GALNT8: variants seen among roughly 807,000 people sequenced by gnomAD.
GALNT8 encodes polypeptide N-acetylgalactosaminyltransferase 8, also known as probable polypeptide N-acetylgalactosaminyltransferase 8.
Under a neutral mutation model 62.7 loss-of-function variants are expected in GALNT8, and 66 were observed. That is an observed-to-expected ratio of 1.05 (90% CI 0.86 to 1.29). GALNT8 has a LOEUF of 1.29. GALNT8 is among the 50% of genes most tolerant of loss of function. The pLI, the probability that GALNT8 is intolerant of heterozygous loss-of-function variation, is 0.00. For missense variants in GALNT8, 771 were observed against 791.8 expected (o/e 0.97, Z 0.32); for synonymous variants, 288 against 294.3 (o/e 0.98, Z 0.22).
chr12:4,722,269 C>T (rs138713452), intron 1 of GALNT8, among the ~76,000 whole-genome samples: 65 of 152,220 alleles, frequency 4.3e-4, no homozygotes, highest in African/African-American at 1.3e-3. Context: ...TTCCATTTTG[C>T]GGTGTGCTCC....
intron 6 of GALNT8, among the ~76,000 whole-genome samples, chr12:4,753,077 C>T (rs543170176): frequency 6.6e-6 from 1 of 152,270 alleles, no homozygotes; most frequent in Admixed American, 6.5e-5. Context: ...TGTCCTCTTG[C>T]TGCTTTTAGC....
chr12:4,727,646 C>T (rs1313180699), intron 2 of GALNT8, among the ~76,000 whole-genome samples: 2 of 152,164 alleles, frequency 1.3e-5, no homozygotes, highest in African/African-American at 2.4e-5. Flanking sequence ...TTTCACTTAT[C>T]ACAGTGTTTT....
chr12:4,755,099 A>C (rs1946338792), intron 6 of GALNT8, among the ~76,000 whole-genome samples: 1 of 152,094 alleles, frequency 6.6e-6, no homozygotes, highest in South Asian at 2.1e-4. Flanking sequence ...AGTGGCCCCA[A>C]TTGATATTTC....
At chr12:4,744,776 A>G (rs1368050427) in intron 4 of GALNT8, 76 bp downstream of exon 4, 2 of 972,424 alleles carry the variant, frequency 2.1e-6, no homozygotes, top group South Asian at 1.7e-5. Context: ...ACAAGACAGG[A>G]TACTGTGGAC....
At chr12:4,733,563 A>T (rs1429379713) in intron 2 of GALNT8, among the ~76,000 whole-genome samples, 2 of 152,238 alleles carry the variant, frequency 1.3e-5, no homozygotes, top group Non-Finnish European at 2.9e-5. Flanking sequence ...AATTTTAATC[A>T]GTCTTCCATT....
chr12:4,733,134 A>G (rs1302934022), intron 2 of GALNT8, among the ~76,000 whole-genome samples: 1 of 152,268 alleles, frequency 6.6e-6, no homozygotes, highest in Admixed American at 6.5e-5. Flanking sequence ...GGCTACTTAA[A>G]TGTAAATTAA....
chr12:4,724,143 C>T lies in GALNT8; in HGVS notation c.212-2389C>T, dbSNP rs1209406568. Among the ~76,000 whole-genome samples, 193 of 109,094 alleles carry T rather than the reference C, an allele frequency of 1.8e-3. 1 individual carries two copies. The highest frequency in any genetic ancestry group is 6.7e-3 in the African/African-American group (187 of 27,860). The allele number at this position is 109,094 out of a possible 152,430, so 71.6% of individuals were successfully genotyped here. ...CAGCCCGGGTGACAGAGCGAGACTCCGTCTCAAAAAAAAAAAAAAAAAAAA... is the reference window on the plus strand; with the variant it reads ...CAGCCCGGGTGACAGAGCGAGACTCTGTCTCAAAAAAAAAAAAAAAAAAAA... On this transcript the variant is annotated intron_variant, in intron 1 of 10. Transcript: ENST00000252318.
intron 3 of GALNT8, among the ~76,000 whole-genome samples, chr12:4,743,801 T>A (rs1946282851): frequency 6.6e-6 from 1 of 152,144 alleles, no homozygotes. Flanking sequence ...TAACTCAGAG[T>A]CATTTGGTTA....
rs371099435 is a variant in GALNT8 at position 4,726,274 on chromosome 12, C to T, written c.212-258C>T. The stretch of plus-strand genomic sequence containing the variant: ...GTTTCTCAGATCATAGTCAGTTCTT[C>T]GAGGAGCTTTGAAGATGTGGGATGG... On this transcript the variant is annotated intron_variant, in intron 1 of 10. Transcript: ENST00000252318. This position sits in a 1 kb window ranked among gnomAD's most constrained non-coding sequence, Gnocchi z 4.1. Among the ~76,000 whole-genome samples, 10 of 152,114 alleles carry T rather than the reference C, an allele frequency of 6.6e-5. No homozygotes were observed. The highest frequency in any genetic ancestry group is 1.2e-4 in the African/African-American group (5 of 41,498).
intron 1 of GALNT8, 69 bp downstream of exon 1, chr12:4,720,957 G>A (rs965771748): frequency 3.3e-6 from 3 of 913,118 alleles, no homozygotes; most frequent in Middle Eastern, 6.5e-4. Context: ...TAGGAAAAAG[G>A]GATATGGAAG....
chr12:4,764,598 C>T (rs1946389944), intron 9 of GALNT8, among the ~76,000 whole-genome samples: 1 of 139,062 alleles, frequency 7.2e-6, no homozygotes, highest in Non-Finnish European at 1.5e-5. Flanking sequence ...GGCTGGAGTG[C>T]AGTGGCGCGG....
At chr12:4,746,772 A>G (rs1479368553) in intron 6 of GALNT8, among the ~76,000 whole-genome samples, 3 of 152,248 alleles carry the variant, frequency 2.0e-5, no homozygotes, top group South Asian at 2.1e-4. Context: ...GAAATCCTCA[A>G]ACCCGGCCAG....
At chr12:4,720,925 G>GT in intron 1 of GALNT8, 37 bp downstream of exon 1, 1 of 1,286,298 alleles carries the variant, frequency 7.8e-7, no homozygotes, top group Non-Finnish European at 1.1e-6. Context: ...GTGTGTGTGT[G>GT]GGTGTGTGTG....
chr12:4,735,936 A>G (rs117432605), intron 2 of GALNT8, among the ~76,000 whole-genome samples: 1,776 of 152,328 alleles, frequency 0.012, 18 homozygotes, highest in South Asian at 0.023. Context: ...TTCCAGCTCA[A>G]TGATGTTGTC....
At chr12:4,722,058 A>T (rs1304355251) in intron 1 of GALNT8, among the ~76,000 whole-genome samples, 1 of 152,198 alleles carries the variant, frequency 6.6e-6, no homozygotes. Flanking sequence ...TTCAGGGAGC[A>T]CGGGGTTGGG....
intron 10 of GALNT8, among the ~76,000 whole-genome samples, chr12:4,771,974 A>G (rs2137548649): frequency 6.6e-6 from 1 of 152,304 alleles, no homozygotes; most frequent in African/African-American, 2.4e-5. Flanking sequence ...AGAGGCGGGA[A>G]GCTGCCTCAG....
Position 4,763,996 on chromosome 12 carries a change from C to T in GALNT8, c.1542C>T (p.Pro514=), listed in dbSNP as rs56282812. ...LDENVCLDQG[P]VPGNTPIMYY... ...AAAATGTCTGCTTGGATCAGGGACC[C>T]GTTCCAGGCAACACCCCCATCATGT... Residue 514 remains proline (P), a synonymous_variant, in exon 9 of 11, where the codon CCC becomes CCT. Transcript: ENST00000252318. 2.2e-3 allele frequency: 3,593 copies of T among 1,601,112 alleles called. 74 individuals are homozygous for T. In the African/African-American group the frequency reaches 0.041, roughly 18 times the overall value.
intron 1 of GALNT8, among the ~76,000 whole-genome samples, chr12:4,722,039 A>G (rs1479237079): frequency 6.6e-6 from 1 of 152,240 alleles, no homozygotes; most frequent in East Asian, 1.9e-4. Context: ...GAGTCGACAC[A>G]GCACATGTTT....
chr12:4,745,656 G>C, intron 5 of GALNT8, 30 bp downstream of exon 5: 1 of 1,508,186 alleles, frequency 6.6e-7, no homozygotes, highest in Non-Finnish European at 9.2e-7. Flanking sequence ...GGGAACTTGA[G>C]TAGCATGTGG....
Sources: allele counts gnomAD v4.1 joint callset (sites outside exome capture counted in the v4.1 genomes callset), GRCh38; gene constraint gnomAD v4.1.1; non-coding constraint Gnocchi (gnomAD v3.1); transcripts MANE v1.5; gene names NCBI Gene and HGNC (gene_info 2026-07-23, HGNC 2026-07-21).